TNFRSF8: variants seen among roughly 807,000 people sequenced by gnomAD.
The protein encoded by TNFRSF8 is tumor necrosis factor receptor superfamily member 8.
TNFRSF8 carries 26 observed loss-of-function variants against 70.8 expected under a neutral mutation model. That is an observed-to-expected ratio of 0.37 (90% CI 0.27 to 0.51). The LOEUF (loss-of-function observed/expected upper bound fraction) is 0.51, where lower values mean the gene tolerates loss of function less well. TNFRSF8 is among the 20% of genes least tolerant of loss of function. The pLI, the probability that TNFRSF8 is intolerant of heterozygous loss-of-function variation, is 0.94. For synonymous variants in TNFRSF8, 356 were observed against 339.2 expected, an observed-to-expected ratio of 1.05 and a Z score of -0.54; for missense variants, 720 against 807.9, an observed-to-expected ratio of 0.89 and a Z score of 1.32.
chr1:12,138,682 C>T lies in TNFRSF8; in HGVS notation c.1543+246C>T, dbSNP rs556685311. On this transcript the variant is annotated intron_variant, in intron 14 of 14. Transcript: ENST00000263932. The surrounding 1 kb of genome is among the most constrained non-coding windows in gnomAD (Gnocchi z 5.7). ...GATGCCTGCTGTTACTCATAAAAAA[C>T]GAACACCACCCCAGCCCCCAACACC... Among the ~76,000 whole-genome samples the T allele has an allele frequency of 5.9e-5, 9 of 152,164 alleles. No individual in the cohort carries two copies. Among genetic ancestry groups the T allele is most frequent in the Non-Finnish European group, 7.4e-5 (5 of 68,020 alleles).
chr1:12,103,084 C>T (rs1641452033), intron 3 of TNFRSF8, among the ~76,000 whole-genome samples: 1 of 151,990 alleles, frequency 6.6e-6, no homozygotes, highest in Non-Finnish European at 1.5e-5. Flanking sequence ...CTATTTCTGG[C>T]TGGGTGCAGT....
At chr1:12,075,187 T>C (rs1453516404) in intron 1 of TNFRSF8, among the ~76,000 whole-genome samples, 1 of 151,480 alleles carries the variant, frequency 6.6e-6, no homozygotes, top group African/African-American at 2.4e-5. Flanking sequence ...GAGGTTATAG[T>C]GAGCCGAGAT....
chr1:12,122,038 C>G (rs372427789), intron 8 of TNFRSF8, among the ~76,000 whole-genome samples: 1 of 152,056 alleles, frequency 6.6e-6, no homozygotes, highest in Non-Finnish European at 1.5e-5. Context: ...TAAAGCAGAT[C>G]GGTGGTTGCC....
In TNFRSF8 at chr1:12,117,113, C is replaced by T. The variant is rs185802244; in HGVS notation, c.946+1384C>T. On this transcript the variant is annotated intron_variant, in intron 8 of 14. Coordinates refer to ENST00000263932, the MANE Select transcript of TNFRSF8 (RefSeq NM_001243.5). ...TCCTCTTTTTTTAGAGATGGAGTCTCGCTGTCTTGCCCAGGCCGATGTGCA... is the reference window on the plus strand; with the variant it reads ...TCCTCTTTTTTTAGAGATGGAGTCTTGCTGTCTTGCCCAGGCCGATGTGCA... Among the ~76,000 whole-genome samples the T allele has an allele frequency of 1.4e-3, 213 of 152,086 alleles. 1 individual carries two copies. Among genetic ancestry groups the T allele is most frequent in the African/African-American group, 5.0e-3 (206 of 41,446 alleles).
At chr1:12,076,109 T>TC (rs1640960789) in intron 1 of TNFRSF8, among the ~76,000 whole-genome samples, 1 of 88,600 alleles carries the variant, frequency 1.1e-5, no homozygotes, top group East Asian at 2.1e-4. Flanking sequence ...TTTTCTTTTT[T>TC]TTTTTTTTGA....
At chr1:12,131,457 A>T (rs1642046066) in intron 12 of TNFRSF8, among the ~76,000 whole-genome samples, 1 of 151,802 alleles carries the variant, frequency 6.6e-6, no homozygotes, top group Non-Finnish European at 1.5e-5. Flanking sequence ...CTCAAAACAA[A>T]CAAACAAACA....
chr1:12,132,353 TG>T (rs1184496636), intron 12 of TNFRSF8, among the ~76,000 whole-genome samples: 4 of 152,386 alleles, frequency 2.6e-5, no homozygotes, highest in African/African-American at 9.6e-5. Flanking sequence ...TAGGCTACTC[TG>T]GCCTGTGGCC....
intron 3 of TNFRSF8, among the ~76,000 whole-genome samples, chr1:12,101,798 AGT>A (rs1413005380): frequency 2.0e-5 from 3 of 152,066 alleles, no homozygotes; most frequent in Non-Finnish European, 4.4e-5. Flanking sequence ...TAGCCTCTCA[AGT>A]AGCTGGGATT....
intron 1 of TNFRSF8, among the ~76,000 whole-genome samples, chr1:12,079,679 C>G (rs1045458078): frequency 6.6e-6 from 1 of 152,226 alleles, no homozygotes; most frequent in Admixed American, 6.5e-5. Flanking sequence ...AAGTCCTCTG[C>G]TCCTCCTTCC....
At chr1:12,121,729 A>C (rs1641832129) in intron 8 of TNFRSF8, among the ~76,000 whole-genome samples, 1 of 152,194 alleles carries the variant, frequency 6.6e-6, no homozygotes, top group Non-Finnish European at 1.5e-5. Flanking sequence ...CACCCTTCCT[A>C]GGCACTCAAG....
chr1:12,069,965 C>G (rs1184695931), intron 1 of TNFRSF8, among the ~76,000 whole-genome samples: 1 of 152,082 alleles, frequency 6.6e-6, no homozygotes, highest in African/African-American at 2.4e-5. Context: ...GGTAAAAGCC[C>G]CAAGAGGCTA....
intron 4 of TNFRSF8, among the ~76,000 whole-genome samples, chr1:12,107,950 G>C (rs908023617): frequency 6.6e-6 from 1 of 152,142 alleles, no homozygotes; most frequent in Non-Finnish European, 1.5e-5. Flanking sequence ...CGCGGAGACA[G>C]AGCAGGAAAT....
chr1:12,093,834 G>T (rs912903376), intron 2 of TNFRSF8, among the ~76,000 whole-genome samples: 3 of 152,112 alleles, frequency 2.0e-5, no homozygotes, highest in Non-Finnish European at 2.9e-5. Context: ...ACTTTGGAAG[G>T]CCAAGGCGGG....
chr1:12,068,219 CCCGGGGGAGT>C (rs1441307909), intron 1 of TNFRSF8, among the ~76,000 whole-genome samples: 40 of 152,148 alleles, frequency 2.6e-4, no homozygotes, highest in Non-Finnish European at 4.6e-4. Context: ...CTGTGTCTGG[CCCGGGGGAGT>C]CCTGGAGGCT....
chr1:12,095,576 C>T (rs558104937), intron 2 of TNFRSF8, among the ~76,000 whole-genome samples: 1 of 152,386 alleles, frequency 6.6e-6, no homozygotes, highest in African/African-American at 2.4e-5. Context: ...GCGTGAGCCA[C>T]CGCACCCGGC....
chr1:12,083,986 T>C (rs908815728), intron 1 of TNFRSF8, among the ~76,000 whole-genome samples: 1 of 151,904 alleles, frequency 6.6e-6, no homozygotes, highest in African/African-American at 2.4e-5. Context: ...ATTTGATGAG[T>C]TGGGTGCTGA....
chr1:12,094,539 G>T (rs752764212), intron 2 of TNFRSF8, among the ~76,000 whole-genome samples: 6 of 152,098 alleles, frequency 3.9e-5, no homozygotes, highest in Non-Finnish European at 8.8e-5. Flanking sequence ...AGGAGTGAAG[G>T]GGTCAGATTT....
intron 1 of TNFRSF8, among the ~76,000 whole-genome samples, chr1:12,071,581 C>CA (rs1640845856): frequency 6.6e-6 from 1 of 152,140 alleles, no homozygotes. Context: ...TCTGAACTCT[C>CA]CTTCCATCCT....
At chr1:12,095,222 T>A (rs1322805869) in intron 2 of TNFRSF8, among the ~76,000 whole-genome samples, 1 of 152,202 alleles carries the variant, frequency 6.6e-6, no homozygotes, top group Non-Finnish European at 1.5e-5. Context: ...TCATCATTGC[T>A]TTGAAACTGT....
Sources: allele counts gnomAD v4.1 joint callset (sites outside exome capture counted in the v4.1 genomes callset), GRCh38; gene constraint gnomAD v4.1.1; non-coding constraint Gnocchi (gnomAD v3.1); transcripts MANE v1.5; gene names NCBI Gene and HGNC (gene_info 2026-07-23, HGNC 2026-07-21).